The following GALNTL6 variants were observed in gnomAD, a reference collection of about 807,000 sequenced individuals.
The protein encoded by GALNTL6 is polypeptide N-acetylgalactosaminyltransferase-like 6.
Under a neutral mutation model 73.7 loss-of-function variants are expected in GALNTL6, and 46 were observed. That is an observed-to-expected ratio of 0.62 (90% CI 0.49 to 0.80). The LOEUF (loss-of-function observed/expected upper bound fraction) is 0.80, where lower values mean the gene tolerates loss of function less well. Among genes scored for constraint, GALNTL6 ranks in the 30% least tolerant of loss-of-function variants. The pLI is 0.00. For synonymous variants in GALNTL6, 259 were observed against 263.7 expected, an observed-to-expected ratio of 0.98 and a Z score of 0.17; for missense variants, 604 against 755.0, an observed-to-expected ratio of 0.80 and a Z score of 2.34.
At chr4:172,962,006 A>T (rs1049969944) in intron 10 of GALNTL6, among the ~76,000 whole-genome samples, 1 of 152,224 alleles carries the variant, frequency 6.6e-6, no homozygotes. Flanking sequence ...AGAGTCAGCA[A>T]AGGGAGATGG....
At chr4:171,999,120 C>T (rs1363729390) in intron 2 of GALNTL6, among the ~76,000 whole-genome samples, 3 of 152,078 alleles carry the variant, frequency 2.0e-5, no homozygotes, top group Admixed American at 6.6e-5. Context: ...ATCCCATGTC[C>T]CTCAATAAGC....
intron 3 of GALNTL6, among the ~76,000 whole-genome samples, chr4:172,276,743 G>T (rs999444828): frequency 6.6e-5 from 10 of 151,592 alleles, no homozygotes; most frequent in Admixed American, 1.3e-4. Flanking sequence ...TAATTGTGGG[G>T]TTTTTTTTAG....
At chr4:171,957,020 G>A (rs772617448) in intron 2 of GALNTL6, among the ~76,000 whole-genome samples, 14 of 152,154 alleles carry the variant, frequency 9.2e-5, no homozygotes, top group Non-Finnish European at 1.6e-4. Context: ...CCCAGCTCAG[G>A]ACTTAAGGTC....
Position 172,021,129 on chromosome 4 carries a change from G to C in GALNTL6, c.138+206411G>C, listed in dbSNP as rs114039511. 7.4e-3 allele frequency among the ~76,000 whole-genome samples: 1,122 copies of C among 151,994 alleles called. 17 individuals carry two copies. Among genetic ancestry groups the C allele is most frequent in the African/African-American group, 0.024 (977 of 41,516 alleles). On this transcript the variant is annotated intron_variant, in intron 2 of 12. Transcript: ENST00000506823. Reference sequence around the variant, plus strand: ...ATGATAAAAACTCTCAAACAGCTGGGTGTAGAAGGAACATAAGCCATATAT... The same window carrying C: ...ATGATAAAAACTCTCAAACAGCTGGCTGTAGAAGGAACATAAGCCATATAT...
intron 2 of GALNTL6, among the ~76,000 whole-genome samples, chr4:172,063,971 G>A (rs993830592): frequency 1.3e-5 from 2 of 152,046 alleles, no homozygotes; most frequent in African/African-American, 4.8e-5. Context: ...TTAAATGAGT[G>A]GCCCACTATC....
intron 8 of GALNTL6, among the ~76,000 whole-genome samples, chr4:172,921,496 C>A (rs1342369913): frequency 1.3e-5 from 2 of 151,674 alleles, no homozygotes; most frequent in Non-Finnish European, 2.9e-5. Flanking sequence ...TGCATTATGA[C>A]AAAAGAAAAA....
At chr4:172,629,234 C>T (rs1739287395) in intron 5 of GALNTL6, among the ~76,000 whole-genome samples, 1 of 152,108 alleles carries the variant, frequency 6.6e-6, no homozygotes, top group African/African-American at 2.4e-5. Context: ...TTGTTCAGTA[C>T]ACGGAAGAAA....
intron 3 of GALNTL6, among the ~76,000 whole-genome samples, chr4:172,306,614 C>G (rs923735757): frequency 6.6e-6 from 1 of 152,184 alleles, no homozygotes; most frequent in African/African-American, 2.4e-5. Flanking sequence ...ACCCTTTACC[C>G]TGGTAGCTTT....
chr4:172,788,837 A>G (rs1190862499), intron 5 of GALNTL6, among the ~76,000 whole-genome samples: 1 of 152,126 alleles, frequency 6.6e-6, no homozygotes, highest in South Asian at 2.1e-4. Flanking sequence ...AGGCAGAACA[A>G]TACCTCCTCT....
chr4:172,568,796 T>G (rs975291596), intron 5 of GALNTL6, among the ~76,000 whole-genome samples: 1 of 140,100 alleles, frequency 7.1e-6, no homozygotes, highest in Non-Finnish European at 1.5e-5. Flanking sequence ...AAGATGAACA[T>G]CTACGTCAAG....
chr4:172,912,549 G>A (rs1747267580), intron 8 of GALNTL6, among the ~76,000 whole-genome samples: 1 of 152,294 alleles, frequency 6.6e-6, no homozygotes, highest in Non-Finnish European at 1.5e-5. Context: ...CATAGCAAAT[G>A]GCACACCAGG....
chr4:172,182,663 G>C (rs1735290510), intron 2 of GALNTL6, among the ~76,000 whole-genome samples: 1 of 151,402 alleles, frequency 6.6e-6, no homozygotes, highest in Non-Finnish European at 1.5e-5. Flanking sequence ...CTAGGGGGGA[G>C]TAAAAATTAA....
intron 5 of GALNTL6, among the ~76,000 whole-genome samples, chr4:172,369,966 T>G (rs529465398): frequency 6.6e-6 from 1 of 152,316 alleles, no homozygotes; most frequent in South Asian, 2.1e-4. Flanking sequence ...CCAGAGTGGA[T>G]GCCGAGGCCA....
intron 2 of GALNTL6, among the ~76,000 whole-genome samples, chr4:172,227,785 C>A (rs1292506541): frequency 6.6e-6 from 1 of 152,052 alleles, no homozygotes; most frequent in East Asian, 1.9e-4. Context: ...GTTCAATCTG[C>A]ATTATATTAC....
chr4:172,823,383 T>G (rs1742052339), intron 7 of GALNTL6, among the ~76,000 whole-genome samples: 1 of 152,222 alleles, frequency 6.6e-6, no homozygotes, highest in African/African-American at 2.4e-5. Flanking sequence ...GAATGTAAAC[T>G]CCATAAGGGC....
intron 2 of GALNTL6, among the ~76,000 whole-genome samples, chr4:171,863,004 A>G (rs986140612): frequency 1.3e-5 from 2 of 152,218 alleles, no homozygotes; most frequent in African/African-American, 4.8e-5. Flanking sequence ...GTGTCATCTG[A>G]AGAAACAGAA....
chr4:171,957,504 C>G (rs1285743616), intron 2 of GALNTL6, among the ~76,000 whole-genome samples: 3 of 152,082 alleles, frequency 2.0e-5, no homozygotes, highest in Non-Finnish European at 4.4e-5. Flanking sequence ...AAGGAAGAAA[C>G]AGAAATATGA....
At chr4:172,306,273 C>T (rs1740134377) in intron 3 of GALNTL6, among the ~76,000 whole-genome samples, 1 of 152,048 alleles carries the variant, frequency 6.6e-6, no homozygotes. Context: ...CCTGTAATCC[C>T]AGCTACTCGG....
At chr4:172,040,101 G>A (rs903420108) in intron 2 of GALNTL6, among the ~76,000 whole-genome samples, 3 of 151,948 alleles carry the variant, frequency 2.0e-5, no homozygotes, top group African/African-American at 7.2e-5. Flanking sequence ...ACAAAAACAA[G>A]GTCCCTGGGA....
Sources: allele counts gnomAD v4.1 joint callset (sites outside exome capture counted in the v4.1 genomes callset), GRCh38; gene constraint gnomAD v4.1.1; transcripts MANE v1.5; gene names NCBI Gene and HGNC (gene_info 2026-07-23, HGNC 2026-07-21).